Variants in MOSPD2 observed in about 807,000 individuals in gnomAD.
MOSPD2 encodes the protein motile sperm domain-containing protein 2.
Under a neutral mutation model 41.7 loss-of-function variants are expected in MOSPD2, and 5 were observed. The ratio of observed to expected loss-of-function variants is 0.12; its 90% confidence interval spans 0.06 to 0.25. The LOEUF (loss-of-function observed/expected upper bound fraction) is 0.25, where lower values mean the gene tolerates loss of function less well. MOSPD2 is among the 10% of genes least tolerant of loss of function. The probability of loss-of-function intolerance (pLI) is 1.00; values close to 1 mark genes in which losing one functional copy is unlikely to be tolerated. For missense variants in MOSPD2, 282 were observed against 375.2 expected, an observed-to-expected ratio of 0.75 and a Z score of 2.05; for synonymous variants, 115 against 126.9, an observed-to-expected ratio of 0.91 and a Z score of 0.63.
intron 2 of MOSPD2, among the ~76,000 whole-genome samples, chrX:14,887,733 TGTGAGAGAGAAACAGTGA>T (rs2092544494): frequency 9.0e-6 from 1 of 111,320 alleles, no homozygotes; most frequent in Admixed American, 9.5e-5. Context: ...AAAAATTGTG[TGTGAGAGAGAAACAGTGA>T]GTGAGAGAGA....
chrX:14,910,335 A>C (rs1408848464), intron 8 of MOSPD2, among the ~76,000 whole-genome samples: 3 of 111,358 alleles, frequency 2.7e-5, no homozygotes, highest in Non-Finnish European at 5.7e-5. Flanking sequence ...AGTTTTTTAC[A>C]CAATGGTCAC....
chrX:14,879,779 G>T (rs1372889873), intron 2 of MOSPD2, among the ~76,000 whole-genome samples: 1 of 110,999 alleles, frequency 9.0e-6, no homozygotes, highest in Non-Finnish European at 1.9e-5. Flanking sequence ...ATTTTAACCA[G>T]CAGTATTTGG....
At chrX:14,873,957 T>G in intron 2 of MOSPD2, 199 bp downstream of exon 2, 1 of 446,865 alleles carries the variant, frequency 2.2e-6, no homozygotes, top group Non-Finnish European at 4.0e-6. Context: ...GTGTGTCCCA[T>G]GCTCCCTTTA....
At chrX:14,892,689 CT>C in intron 2 of MOSPD2, 33 bp from the exon 3 acceptor site, 1 of 1,124,044 alleles carries the variant, frequency 8.9e-7, no homozygotes, top group East Asian at 3.0e-5. Flanking sequence ...CAGAATTAAT[CT>C]GACTTGGATG....
At chrX:14,897,923 TG>T (rs2092565879) in intron 5 of MOSPD2, among the ~76,000 whole-genome samples, 1 of 112,425 alleles carries the variant, frequency 8.9e-6, no homozygotes. Context: ...TTCTAACTAC[TG>T]TCTCTTATAT....
At chrX:14,878,913 T>C (rs760746213) in intron 2 of MOSPD2, among the ~76,000 whole-genome samples, 1 of 111,830 alleles carries the variant, frequency 8.9e-6, no homozygotes, top group Non-Finnish European at 1.9e-5. Context: ...AGCCTCCCAG[T>C]ACCTTAGAAG....
At position 14,919,846 on chromosome X, in the gene MOSPD2, C is replaced by T. The variant is rs1230696492; in HGVS notation, c.*37C>T. 8.5e-7 allele frequency: 1 copy of T among 1,175,748 alleles called. No individual in the cohort carries two copies. The highest frequency in any genetic ancestry group is 1.1e-6 in the Non-Finnish European group (1 of 878,456). On this transcript the variant is annotated 3_prime_UTR_variant, in exon 15 of 15. Coordinates refer to ENST00000380492, the MANE Select transcript of MOSPD2 (RefSeq NM_152581.4). ...CGGGTAGGAACCACGGTTCCTTCGTCCATTAGTTGGAAAAAGTAACAGACC... is the reference window on the plus strand; with the variant it reads ...CGGGTAGGAACCACGGTTCCTTCGTTCATTAGTTGGAAAAAGTAACAGACC...
chrX:14,899,912 T>G (rs1264639063), intron 5 of MOSPD2, among the ~76,000 whole-genome samples: 1 of 110,860 alleles, frequency 9.0e-6, no homozygotes, highest in Admixed American at 9.7e-5. Context: ...CTCAAAGCAG[T>G]AGAACCAACC....
At position 14,921,149 on chromosome X, in the gene MOSPD2, A is replaced by C; in HGVS notation, c.*1340A>C. The stretch of plus-strand genomic sequence containing the variant: ...TCACATGTACATCTACTTTATATGA[A>C]AGAAAAAACAGTTGTCTGCCTGTAA... On this transcript the variant is annotated 3_prime_UTR_variant, in exon 15 of 15. Transcript: ENST00000380492. The C allele has an allele frequency of 1.1e-6, 1 of 878,831 alleles. No homozygotes were observed. 72.4% of individuals were successfully genotyped at this position (878,831 alleles called of 1,213,427 possible).
At chrX:14,915,460 A>G (rs2092598627) in intron 11 of MOSPD2, 1 of 135,647 alleles carries the variant, frequency 7.4e-6, no homozygotes, top group Non-Finnish European at 1.5e-5. Flanking sequence ...CTAAATGACG[A>G]GTTAATGGGT....
rs1185131814 is a variant in MOSPD2, at chrX:14,873,470, G to C, written c.-59G>C. 1 of 1,209,233 alleles carries C rather than the reference G, an allele frequency of 8.3e-7. No individual in the cohort carries two copies. On this transcript the variant is annotated 5_prime_UTR_variant, in exon 1 of 15. Transcript: ENST00000380492. Reference sequence around the variant, plus strand: ...GGGACTGCCGGGTGATGAGATACTCGGTCGGCGACGGTAGAACGGGCGACG... The same window carrying C: ...GGGACTGCCGGGTGATGAGATACTCCGTCGGCGACGGTAGAACGGGCGACG...
At chrX:14,913,149 G>A (rs1456736279) in intron 10 of MOSPD2, among the ~76,000 whole-genome samples, 1 of 112,024 alleles carries the variant, frequency 8.9e-6, no homozygotes, top group African/African-American at 3.2e-5. Flanking sequence ...AGACATAGAT[G>A]CGCATGCATT....
chrX:14,881,894 G>C (rs913512230), intron 2 of MOSPD2, among the ~76,000 whole-genome samples: 20 of 110,649 alleles, frequency 1.8e-4, no homozygotes, highest in Non-Finnish European at 3.4e-4. Context: ...CCATCATTCT[G>C]AGCAAACTAT....
At chrX:14,906,913 A>G (rs1030768166) in intron 7 of MOSPD2, among the ~76,000 whole-genome samples, 4 of 111,440 alleles carry the variant, frequency 3.6e-5, no homozygotes, top group Non-Finnish European at 3.8e-5. Context: ...AATCCCAGCT[A>G]CTTGGGAAGC....
intron 5 of MOSPD2, among the ~76,000 whole-genome samples, chrX:14,897,750 TTCTA>T (rs72378001): frequency 0.012 from 1,324 of 112,395 alleles, 12 homozygotes; most frequent in Non-Finnish European, 0.02. Context: ...TGGATTTGTT[TTCTA>T]TCTGTTTGAT....
chrX:14,907,831 AGGG>A (rs982647883), intron 7 of MOSPD2, among the ~76,000 whole-genome samples: 1 of 111,618 alleles, frequency 9.0e-6, no homozygotes, highest in African/African-American at 3.3e-5. Flanking sequence ...ACTTGTATAA[AGGG>A]GGGATTTTAT....
intron 2 of MOSPD2, among the ~76,000 whole-genome samples, chrX:14,880,365 C>T (rs1474655424): frequency 9.0e-6 from 1 of 111,269 alleles, no homozygotes; most frequent in East Asian, 2.8e-4. Flanking sequence ...TGAATTTACT[C>T]TTATAAATTC....
chrX:14,879,338 G>A (rs766448438), intron 2 of MOSPD2, among the ~76,000 whole-genome samples: 2 of 111,554 alleles, frequency 1.8e-5, no homozygotes, highest in Non-Finnish European at 3.8e-5. Context: ...TCCTTGAGAC[G>A]TTGCAAGGAG....
chrX:14,909,295 C>T (rs1382108026), intron 8 of MOSPD2, among the ~76,000 whole-genome samples: 1 of 111,450 alleles, frequency 9.0e-6, no homozygotes, highest in Non-Finnish European at 1.9e-5. Context: ...AGCTGAATTT[C>T]TTGTATTAAT....
Sources: gnomAD v4.1 joint callset for allele counts (sites outside exome capture counted in the v4.1 genomes callset) on GRCh38, gnomAD v4.1.1 for gene constraint, MANE v1.5 for transcripts, NCBI Gene and HGNC (gene_info 2026-07-23, HGNC 2026-07-21) for gene names.